Variants in SGCZ observed in about 807,000 individuals in gnomAD.
The protein encoded by SGCZ is zeta-sarcoglycan.
Under a neutral mutation model 41.3 loss-of-function variants are expected in SGCZ, and 40 were observed. The observed-to-expected ratio is 0.97, with a 90% CI of 0.75 to 1.26. SGCZ has a LOEUF of 1.26. Among genes scored for constraint, SGCZ ranks in the 50% most tolerant of loss-of-function variants. The pLI, the probability that SGCZ is intolerant of heterozygous loss-of-function variation, is 0.00. For missense variants in SGCZ, 552 were observed against 369.8 expected (o/e 1.49, Z -4.04); for synonymous variants, 206 against 137.5 (o/e 1.50, Z -3.49).
chr8:14,253,967 C>T (rs990923067), intron 3 of SGCZ, among the ~76,000 whole-genome samples: 8 of 151,900 alleles, frequency 5.3e-5, no homozygotes, highest in African/African-American at 1.9e-4. Flanking sequence ...AAAAATAATG[C>T]AATCTGAAGA....
rs191275097 is a variant in SGCZ, at chr8:14,994,441, G to A, written c.39+243144C>T. 2.6e-5 allele frequency among the ~76,000 whole-genome samples: 4 copies of A among 152,200 alleles called. No individual in the cohort carries two copies. In the East Asian group the frequency reaches 7.7e-4, roughly 29 times the overall value. On this transcript the variant is annotated intron_variant, in intron 1 of 7. Coordinates refer to ENST00000382080, the MANE Select transcript of SGCZ (RefSeq NM_139167.4). ...TCTACTAAAATACAAACAATTAGCT[G>A]GGCATGGCAGCATGCGCCTGTAGTC...
chr8:14,374,264 A>G (rs889587363), intron 2 of SGCZ, among the ~76,000 whole-genome samples: 15 of 152,142 alleles, frequency 9.9e-5, no homozygotes, highest in African/African-American at 3.6e-4. Flanking sequence ...CTGTAGTCCC[A>G]ACTCTTCAGG....
At chr8:14,336,510 G>C (rs935570550) in intron 2 of SGCZ, among the ~76,000 whole-genome samples, 2 of 152,106 alleles carry the variant, frequency 1.3e-5, no homozygotes. Flanking sequence ...TTGAGAAACT[G>C]CCTCACTGCT....
intron 1 of SGCZ, among the ~76,000 whole-genome samples, chr8:14,722,962 A>C (rs578213509): frequency 6.6e-6 from 1 of 152,342 alleles, no homozygotes; most frequent in African/African-American, 2.4e-5. Context: ...AATTCAATAG[A>C]ATGCAGGGCC....
intron 2 of SGCZ, among the ~76,000 whole-genome samples, chr8:14,541,130 G>T (rs75932336): frequency 0.015 from 2,336 of 151,602 alleles, 56 homozygotes; most frequent in African/African-American, 0.054. Context: ...AAATAAACAG[G>T]TGTAATTTTC....
At chr8:15,087,441 C>A (rs1805989994) in intron 1 of SGCZ, among the ~76,000 whole-genome samples, 1 of 152,054 alleles carries the variant, frequency 6.6e-6, no homozygotes, top group African/African-American at 2.4e-5. Flanking sequence ...CTAACAACAT[C>A]TCGAACGCTG....
Position 14,102,383 on chromosome 8 carries a change from T to A in SGCZ, c.737A>T (p.Glu246Val). The A allele has an allele frequency of 6.6e-7, 1 of 1,508,562 alleles. No homozygotes were observed. Among genetic ancestry groups the A allele is most frequent in the Non-Finnish European group, 9.0e-7 (1 of 1,114,058 alleles). 93.4% of individuals were successfully genotyped at this position (1,508,562 alleles called of 1,614,324 possible). The change falls in exon 7 of 8, where the codon GAA becomes GTA. Residue 246 changes from glutamate (E) to valine (V), a missense_variant. Physicochemically the swap from Glu to Val is moderately radical, Grantham distance 121. Coordinates refer to ENST00000382080, the MANE Select transcript of SGCZ (RefSeq NM_139167.4). ...CRKELHLQST[E>V]GEIFLNAETI... ...CAACTTTCTGGGACTCACCTCCCCTTCTGTAGATTGCAGATGGAGCTCCTT... is the reference window on the plus strand; with the variant it reads ...CAACTTTCTGGGACTCACCTCCCCTACTGTAGATTGCAGATGGAGCTCCTT...
At chr8:14,366,179 A>G (rs1339937032) in intron 2 of SGCZ, among the ~76,000 whole-genome samples, 1 of 152,244 alleles carries the variant, frequency 6.6e-6, no homozygotes, top group East Asian at 1.9e-4. Flanking sequence ...AGAACAGACT[A>G]ATAACCAAAA....
chr8:15,152,003 G>C (rs534233701), intron 1 of SGCZ, among the ~76,000 whole-genome samples: 7 of 152,132 alleles, frequency 4.6e-5, no homozygotes, highest in Admixed American at 1.3e-4. Flanking sequence ...TTAAAACTGT[G>C]GTTAAGCAAA....
At chr8:14,344,590 A>T (rs1585388165) in intron 2 of SGCZ, among the ~76,000 whole-genome samples, 1 of 152,148 alleles carries the variant, frequency 6.6e-6, no homozygotes, top group African/African-American at 2.4e-5. Flanking sequence ...GCAAAAGAGA[A>T]AGGGAAAAGG....
intron 1 of SGCZ, among the ~76,000 whole-genome samples, chr8:14,959,517 T>C (rs1800897091): frequency 6.6e-6 from 1 of 152,180 alleles, no homozygotes; most frequent in South Asian, 2.1e-4. Context: ...TGTTTTAAAA[T>C]ATACAAAACA....
intron 1 of SGCZ, among the ~76,000 whole-genome samples, chr8:14,916,027 G>C (rs1221044681): frequency 6.6e-6 from 1 of 152,288 alleles, no homozygotes; most frequent in African/African-American, 2.4e-5. Context: ...TTGTTTTAGA[G>C]TGACAACTGA....
chr8:14,191,458 G>C (rs1293360838), intron 4 of SGCZ, among the ~76,000 whole-genome samples: 3 of 152,152 alleles, frequency 2.0e-5, no homozygotes, highest in African/African-American at 7.2e-5. Context: ...GGAATTGCAT[G>C]ATTTGGGTCT....
intron 2 of SGCZ, among the ~76,000 whole-genome samples, chr8:14,423,112 C>T (rs1187166685): frequency 6.6e-6 from 1 of 151,276 alleles, no homozygotes; most frequent in East Asian, 2.0e-4. Flanking sequence ...TTTTTCTTGG[C>T]AGTGTTGTGT....
chr8:14,118,760 A>G (rs950789470), intron 5 of SGCZ, among the ~76,000 whole-genome samples: 5 of 152,206 alleles, frequency 3.3e-5, no homozygotes, highest in Non-Finnish European at 5.9e-5. Context: ...GAAAGGGTCC[A>G]GTGTCAGTTT....
intron 5 of SGCZ, among the ~76,000 whole-genome samples, chr8:14,118,968 T>A (rs2117030322): frequency 6.6e-6 from 1 of 152,264 alleles, no homozygotes; most frequent in South Asian, 2.1e-4. Flanking sequence ...ACTGTAGCCT[T>A]GTATTATAGT....
chr8:14,430,005 C>A (rs894418102), intron 2 of SGCZ, among the ~76,000 whole-genome samples: 1 of 151,922 alleles, frequency 6.6e-6, no homozygotes, highest in African/African-American at 2.4e-5. Flanking sequence ...GCTGTAATAT[C>A]TCCCATTTCA....
intron 2 of SGCZ, among the ~76,000 whole-genome samples, chr8:14,463,371 A>G (rs1047246923): frequency 6.6e-6 from 1 of 150,400 alleles, no homozygotes; most frequent in Non-Finnish European, 1.5e-5. Flanking sequence ...ATGTAGACCA[A>G]TGGAAAAGAA....
intron 1 of SGCZ, among the ~76,000 whole-genome samples, chr8:15,022,420 T>A (rs1055113324): frequency 6.6e-5 from 10 of 152,174 alleles, no homozygotes; most frequent in South Asian, 4.1e-4. Flanking sequence ...CTCGGCTCAC[T>A]GGAACCTCCG....
Sources: allele counts gnomAD v4.1 joint callset (sites outside exome capture counted in the v4.1 genomes callset), GRCh38; gene constraint gnomAD v4.1.1; transcripts MANE v1.5; gene names NCBI Gene and HGNC (gene_info 2026-07-23, HGNC 2026-07-21).